The following BRWD1 variants were observed in gnomAD, a reference collection of about 807,000 sequenced individuals.
The protein encoded by BRWD1 is bromodomain and WD repeat domain containing 1.
A neutral mutation model predicts 251.2 loss-of-function variants in BRWD1; 82 were observed. The observed-to-expected ratio is 0.33, with a 90% CI of 0.27 to 0.39. The LOEUF (loss-of-function observed/expected upper bound fraction) is 0.39. Ranked by LOEUF, BRWD1 falls within the 10% of genes least tolerant of loss-of-function variation. BRWD1 has a pLI of 1.00. For synonymous variants in BRWD1, 918 were observed against 902.8 expected (o/e 1.02, Z -0.30); for missense variants, 2,233 against 2,711.6 (o/e 0.82, Z 3.92).
chr21:39,282,321 T>C (rs2035494970), intron 8 of BRWD1, among the ~76,000 whole-genome samples: 3 of 152,000 alleles, frequency 2.0e-5, no homozygotes, highest in South Asian at 4.1e-4. Flanking sequence ...AATAGTGCCA[T>C]TAACAGAAAG....
At chr21:39,212,082 T>C in intron 34 of BRWD1, among the ~76,000 whole-genome samples, 1 of 152,076 alleles carries the variant, frequency 6.6e-6, no homozygotes, top group Non-Finnish European at 1.5e-5. Flanking sequence ...AAATCCTAGT[T>C]AGTTTTCCCT....
Position 39,268,212 on chromosome 21 carries a change from G to A in BRWD1, c.1530+1687C>T, listed in dbSNP as rs1384532751. Reference sequence around the variant, plus strand: ...ATAATTATATTGGGAGGCCGAGGCGGGTGATCACTTGAAGTCAGGAGTTCA... The same window carrying A: ...ATAATTATATTGGGAGGCCGAGGCGAGTGATCACTTGAAGTCAGGAGTTCA... On this transcript the variant is annotated intron_variant, in intron 15 of 40. Coordinates refer to ENST00000342449, the MANE Select transcript of BRWD1 (RefSeq NM_033656.4). Among the ~76,000 whole-genome samples the A allele has an allele frequency of 1.2e-4, 19 of 152,088 alleles. 1 individual carries two copies. The highest frequency in any genetic ancestry group is 1.2e-3 in the Admixed American group (19 of 15,266).
intron 32 of BRWD1, among the ~76,000 whole-genome samples, chr21:39,214,103 G>A (rs966054130): frequency 2.0e-5 from 3 of 151,994 alleles, no homozygotes; most frequent in East Asian, 3.9e-4. Context: ...GGTAACTTAC[G>A]TATGAGTCTC....
At chr21:39,245,061 T>C (rs1389116772) in intron 21 of BRWD1, among the ~76,000 whole-genome samples, 1 of 149,898 alleles carries the variant, frequency 6.7e-6, no homozygotes, top group Admixed American at 6.7e-5. Flanking sequence ...AAAAAAAGAA[T>C]GTAAAAACAT....
At chr21:39,263,385 A>C (rs998474983) in intron 17 of BRWD1, among the ~76,000 whole-genome samples, 1 of 152,204 alleles carries the variant, frequency 6.6e-6, no homozygotes, top group Admixed American at 6.5e-5. Context: ...AGAAAAGTAC[A>C]AGACAAACCT....
intron 13 of BRWD1, among the ~76,000 whole-genome samples, chr21:39,271,569 C>T (rs1206536905): frequency 2.0e-5 from 3 of 151,374 alleles, no homozygotes; most frequent in South Asian, 2.1e-4. Context: ...TGGTGGTGGG[C>T]ACCTGTAGTC....
chr21:39,225,017 G>A, intron 28 of BRWD1, 69 bp downstream of exon 28: 1 of 1,156,026 alleles, frequency 8.7e-7, no homozygotes, highest in Admixed American at 1.9e-5. Context: ...AACCAGAAAT[G>A]TATTATTTAT....
At chr21:39,210,286 T>A in intron 35 of BRWD1, 139 bp from the exon 36 acceptor site, 2 of 677,234 alleles carry the variant, frequency 3.0e-6, no homozygotes, top group Non-Finnish European at 4.8e-6. Flanking sequence ...TAGTAATGTT[T>A]AAAAAGAGGT....
chr21:39,264,491 A>G lies in BRWD1; in HGVS notation c.1854T>C (p.His618=). 1.9e-6 allele frequency: 3 copies of G among 1,609,218 alleles called. No individual in the cohort carries two copies. Among genetic ancestry groups the G allele is most frequent in the Non-Finnish European group, 2.5e-6 (3 of 1,178,622 alleles). The change falls in exon 17 of 41, where the codon CAT becomes CAC. Residue 618 remains histidine (H), a synonymous_variant. Coordinates refer to ENST00000342449, the MANE Select transcript of BRWD1 (RefSeq NM_033656.4). ...CCACATAGCCCAGCTGTGGAATCAAATGTTCATCTGCAGAATTTTCTCGGC... is the reference window on the plus strand; with the variant it reads ...CCACATAGCCCAGCTGTGGAATCAAGTGTTCATCTGCAGAATTTTCTCGGC... ...VPGRENSADE[H]LIPQLGYVAT...
At chr21:39,308,767 A>T (rs2036370252) in intron 4 of BRWD1, among the ~76,000 whole-genome samples, 3 of 152,142 alleles carry the variant, frequency 2.0e-5, no homozygotes. Flanking sequence ...TTACCATCAT[A>T]AGGAACAATA....
chr21:39,312,444 C>A (rs1367295970), intron 4 of BRWD1: 5 of 170,778 alleles, frequency 2.9e-5, no homozygotes, highest in Non-Finnish European at 3.8e-5. Context: ...GGGGACAGAC[C>A]CGGGCGGGGC....
chr21:39,317,175 T>C (rs964355356), upstream of BRWD1: 8 of 152,226 alleles, frequency 5.3e-5, no homozygotes, highest in Non-Finnish European at 1.0e-4. Context: ...AGCAACTCCT[T>C]AGTGGGTACC....
intron 27 of BRWD1, among the ~76,000 whole-genome samples, chr21:39,227,430 ACAGT>A (rs1200284460): frequency 1.3e-5 from 2 of 151,914 alleles, no homozygotes; most frequent in South Asian, 2.1e-4. Flanking sequence ...CAGCCTAATG[ACAGT>A]CATTCAATCA....
chr21:39,191,524 T>G lies in BRWD1; in HGVS notation c.*4735A>C. On this transcript the variant is annotated 3_prime_UTR_variant, in exon 41 of 41. Transcript: ENST00000342449. ...AATTTAGAACATTAACGATCTTATGTGAAGTGGAAAACTAAAGATCTGCTT... is the reference window on the plus strand; with the variant it reads ...AATTTAGAACATTAACGATCTTATGGGAAGTGGAAAACTAAAGATCTGCTT... 1.0e-6 allele frequency: 1 copy of G among 980,978 alleles called. No individual in the cohort carries two copies. Among genetic ancestry groups the G allele is most frequent in the South Asian group, 4.7e-5 (1 of 21,202 alleles). 60.8% of individuals were successfully genotyped at this position (980,978 alleles called of 1,614,324 possible). A position where few individuals can be genotyped will look rare whatever the true frequency, so the allele number is the denominator to read the frequency against.
chr21:39,245,881 C>T (rs1432516361), intron 21 of BRWD1, among the ~76,000 whole-genome samples: 1 of 152,142 alleles, frequency 6.6e-6, no homozygotes, highest in Non-Finnish European at 1.5e-5. Context: ...GGATTACAGG[C>T]ATGAGCCACC....
intron 25 of BRWD1, among the ~76,000 whole-genome samples, chr21:39,230,940 A>G (rs780375902): frequency 6.6e-6 from 1 of 152,150 alleles, no homozygotes; most frequent in South Asian, 2.1e-4. Context: ...TGTTTGGGGG[A>G]TTACAAATAA....
At position 39,265,008 on chromosome 21, in the gene BRWD1, T is replaced by C. The variant is rs748786554; in HGVS notation, c.1542A>G (p.Gln514=). ...TACAGTCAAACACAGCTCCATGTCC[T>C]TGTCCTTCAATCTAGGAAACACAAA... The part of the protein sequence containing the change: ...MKHYFNMIEG[Q]GHGAVFDCKF... Residue 514 remains glutamine (Q), a synonymous_variant, in exon 16 of 41, where the codon CAA becomes CAG. Transcript: ENST00000342449. The C allele has an allele frequency of 1.9e-5, 30 of 1,612,628 alleles. No homozygotes were observed. The highest frequency in any genetic ancestry group is 2.5e-5 in the Non-Finnish European group (29 of 1,179,672).
Position 39,189,484 on chromosome 21 carries a change from A to G in BRWD1, c.*6775T>C, listed in dbSNP as rs186966887. 3.5e-4 allele frequency: 328 copies of G among 924,308 alleles called. No individual in the cohort carries two copies. In the African/African-American group the frequency reaches 6.2e-3, roughly 18 times the overall value. The allele number at this position is 924,308 out of a possible 1,614,324, so 57.3% of individuals were successfully genotyped here. On this transcript the variant is annotated 3_prime_UTR_variant, in exon 41 of 41. Coordinates refer to ENST00000342449, the MANE Select transcript of BRWD1 (RefSeq NM_033656.4). ...AATGGAAAAGTTAAGATTCTGCAGG[A>G]AAAAAAAAACTAAAATCAGGTTTTT...
At chr21:39,305,134 A>G (rs1323169784) in intron 4 of BRWD1, among the ~76,000 whole-genome samples, 2 of 151,852 alleles carry the variant, frequency 1.3e-5, no homozygotes, top group Admixed American at 6.6e-5. Context: ...TAATTTTTCT[A>G]TTTATAGTAG....
Sources: gnomAD v4.1 joint callset for allele counts (sites outside exome capture counted in the v4.1 genomes callset) on GRCh38, gnomAD v4.1.1 for gene constraint, MANE v1.5 for transcripts, NCBI Gene and HGNC (gene_info 2026-07-23, HGNC 2026-07-21) for gene names.